The following KIAA1614 variants were observed in gnomAD, a reference collection of about 807,000 sequenced individuals.
KIAA1614 encodes uncharacterized protein KIAA1614.
In KIAA1614, 76 loss-of-function variants were observed where a neutral mutation model predicts 88.7. The observed-to-expected ratio is 0.86, with a 90% confidence interval of 0.71 to 1.04. KIAA1614 has a LOEUF of 1.04. Ranked by LOEUF, KIAA1614 falls within the 50% of genes least tolerant of loss-of-function variation. The probability of loss-of-function intolerance (pLI) is 0.00; values close to 1 mark genes in which losing one functional copy is unlikely to be tolerated. For synonymous variants in KIAA1614, 714 were observed against 675.5 expected (o/e 1.06, Z -0.88); for missense variants, 1,553 against 1,582.5 (o/e 0.98, Z 0.32).
Position 180,935,287 on chromosome 1 carries a change from GCC to G in KIAA1614, c.1379_1380del (p.Ala460GlyfsTer159). 6.7e-7 allele frequency: 1 copy of G among 1,501,528 alleles called. No individual in the cohort carries two copies. Among genetic ancestry groups the G allele is most frequent in the Non-Finnish European group, 8.9e-7 (1 of 1,129,186 alleles). 93.0% of individuals were successfully genotyped at this position (1,501,528 alleles called of 1,614,324 possible). On this transcript the variant is annotated frameshift_variant, in exon 5 of 9. Transcript: ENST00000367588. LOFTEE classifies it high-confidence loss of function. This position sits in a 1 kb window ranked among gnomAD's most constrained non-coding sequence, Gnocchi z 6.1. ...CTTTGAGGATGAGTCCGCCCGCGAA[GCC>G]GAGTTCCGTCACCTGGAGCGGCTGC... Reference protein sequence around the residue: ...VRFEDESAREAEFRHLERLQQ... With the variant: ...VRFEDESAREXEFRHLERLQQ...
intron 4 of KIAA1614, among the ~76,000 whole-genome samples, chr1:180,934,236 G>A (rs1201495183): frequency 1.2e-4 from 13 of 108,410 alleles, no homozygotes; most frequent in Admixed American, 4.4e-4. Context: ...TGGACAACAA[G>A]AGTAAAACTC....
chr1:180,934,266 A>AAAG (rs1553259360), intron 4 of KIAA1614, among the ~76,000 whole-genome samples: 18 of 115,864 alleles, frequency 1.6e-4, no homozygotes, highest in Non-Finnish European at 2.8e-4. Context: ...AAAAAAAAAA[A>AAAG]AAAAGAAAAG....
Position 180,945,388 on chromosome 1 carries a change from G to A in KIAA1614, c.3373G>A (p.Glu1125Lys), listed in dbSNP as rs1558074031. The A allele has an allele frequency of 1.2e-6, 2 of 1,601,786 alleles. No homozygotes were observed. Among genetic ancestry groups the A allele is most frequent in the African/African-American group, 1.3e-5 (1 of 74,256 alleles). The change falls in exon 9 of 9, where the codon GAG becomes AAG. Residue 1125 changes from glutamate (E) to lysine (K), a missense_variant. Transcript: ENST00000367588. ...GGCTCGCACCGTGGGCCGCCTGGTG[G>A]AGGTGTTCCCAGACGGCACCAGCCA... ...SLARTVGRLV[E>K]VFPDGTSQLQ...
chr1:180,935,529 C>A lies in KIAA1614; in HGVS notation c.1620C>A (p.Gly540=). 1 of 1,563,176 alleles carries A rather than the reference C, an allele frequency of 6.4e-7. No homozygotes were observed. Among genetic ancestry groups the A allele is most frequent in the South Asian group, 1.2e-5 (1 of 85,252 alleles). The change falls in exon 5 of 9, where the codon GGC becomes GGA. Residue 540 remains glycine (G), a synonymous_variant. Transcript: ENST00000367588. This position sits in a 1 kb window ranked among gnomAD's most constrained non-coding sequence, Gnocchi z 6.1. The part of the protein sequence containing the change: ...PGSERRCQAC[G]SCIDDPRPAQ... ...GCGAGAGGAGGTGCCAGGCCTGCGG[C>A]AGCTGCATCGACGACCCGCGCCCCG...
At chr1:180,915,658 C>T (rs891440369) in intron 1 of KIAA1614, among the ~76,000 whole-genome samples, 3 of 152,178 alleles carry the variant, frequency 2.0e-5, no homozygotes, top group Non-Finnish European at 4.4e-5. Flanking sequence ...GGCTCCCCAA[C>T]CCCCGGGGCC....
At chr1:180,944,958 G>A (rs745317419) in intron 8 of KIAA1614, 2 of 291,276 alleles carry the variant, frequency 6.9e-6, no homozygotes, top group South Asian at 6.5e-5. Flanking sequence ...TTCCTGGGGC[G>A]TGGATGTACT....
At chr1:180,924,703 T>C (rs566571678) in intron 3 of KIAA1614, among the ~76,000 whole-genome samples, 1 of 152,142 alleles carries the variant, frequency 6.6e-6, no homozygotes, top group East Asian at 1.9e-4. Context: ...CTTTTCAAAG[T>C]CCAGAGCAAA....
chr1:180,926,518 G>A (rs1654072544), intron 3 of KIAA1614, among the ~76,000 whole-genome samples: 1 of 151,666 alleles, frequency 6.6e-6, no homozygotes, highest in African/African-American at 2.4e-5. Flanking sequence ...AGAGGAGGGA[G>A]CAGAAAGGAA....
Position 180,948,194 on chromosome 1 carries a change from G to C in KIAA1614, c.*2606G>C, listed in dbSNP as rs897541990. The C allele has an allele frequency of 1.3e-5, 2 of 152,246 alleles. No individual in the cohort carries two copies. The highest frequency in any genetic ancestry group is 3.9e-4 in the East Asian group (2 of 5,188). The allele number at this position is 152,246 out of a possible 1,614,324, so 9.4% of individuals were successfully genotyped here. A position where few individuals can be genotyped will look rare whatever the true frequency, so the allele number is the denominator to read the frequency against. ...CCCACGCACATGAAGCCTGGCGAGT[G>C]CTGGGGCCTCCGTGTCCCAGGCCAT... On this transcript the variant is annotated 3_prime_UTR_variant, in exon 9 of 9. Coordinates refer to ENST00000367588, the MANE Select transcript of KIAA1614 (RefSeq NM_020950.2).
chr1:180,924,907 T>TAATAATAATAATAATAATAAA (rs1553258594), intron 3 of KIAA1614, among the ~76,000 whole-genome samples: 4 of 150,148 alleles, frequency 2.7e-5, no homozygotes, highest in East Asian at 1.9e-4. Context: ...ATAATAATAA[T>TAATAATAATAATAATAATAAA]AAATGCTAAC....
Position 180,913,270 on chromosome 1 carries a change from C to T in KIAA1614, c.27C>T (p.Ala9=). Residue 9 remains alanine (A), a synonymous_variant, in exon 1 of 9, where the codon GCC becomes GCT. Transcript: ENST00000367588. MEGTEAAA[A]KPAGGSPQGP... Reference sequence around the variant, plus strand: ...TGGAGGGGACAGAGGCGGCGGCGGCCAAACCCGCGGGCGGCAGCCCCCAGT... The same window carrying T: ...TGGAGGGGACAGAGGCGGCGGCGGCTAAACCCGCGGGCGGCAGCCCCCAGT... 7.9e-7 allele frequency: 1 copy of T among 1,260,042 alleles called. No homozygotes were observed. Among genetic ancestry groups the T allele is most frequent in the Non-Finnish European group, 1.0e-6 (1 of 996,716 alleles). 78.1% of individuals were successfully genotyped at this position (1,260,042 alleles called of 1,614,324 possible).
At chr1:180,931,988 G>A (rs2102266813) in intron 4 of KIAA1614, among the ~76,000 whole-genome samples, 1 of 152,216 alleles carries the variant, frequency 6.6e-6, no homozygotes, top group Non-Finnish European at 1.5e-5. Context: ...TGTTTCTCCG[G>A]ATGGAGTCTT....
chr1:180,934,300 G>A (rs1203564198), intron 4 of KIAA1614, among the ~76,000 whole-genome samples: 1 of 150,272 alleles, frequency 6.7e-6, no homozygotes, highest in African/African-American at 2.5e-5. Flanking sequence ...AAGAAACCCT[G>A]ACTTCAGGCT....
At chr1:180,941,006 GCCCTC>G in intron 6 of KIAA1614, 34 bp from the exon 7 acceptor site, 3 of 908,440 alleles carry the variant, frequency 3.3e-6, no homozygotes, top group Non-Finnish European at 4.6e-6. Flanking sequence ...CACCCTCCCG[GCCCTC>G]CCCCGCCCCC....
rs1457521455 is a variant in KIAA1614 at position 180,912,971 on chromosome 1, C to A, written c.-273C>A. On this transcript the variant is annotated 5_prime_UTR_variant, in exon 1 of 9. Coordinates refer to ENST00000367588, the MANE Select transcript of KIAA1614 (RefSeq NM_020950.2). This position sits in a 1 kb window ranked among gnomAD's most constrained non-coding sequence, Gnocchi z 5.1. The stretch of plus-strand genomic sequence containing the variant: ...CTTCCCTGCCAGCGCCCTCCCTGCC[C>A]GACCCCGCTTCCCGTCCTCTCGCCG... Among the ~76,000 whole-genome samples, 1 of 151,926 alleles carries A rather than the reference C, an allele frequency of 6.6e-6. No individual in the cohort carries two copies. The highest frequency in any genetic ancestry group is 2.4e-5 in the African/African-American group (1 of 41,422).
rs1046616110 is a variant in KIAA1614, at chr1:180,913,182, C to T, written c.-62C>T. 3.3e-6 allele frequency: 4 copies of T among 1,208,150 alleles called. No homozygotes were observed. Among genetic ancestry groups the T allele is most frequent in the Admixed American group, 4.2e-5 (1 of 23,566 alleles). The allele number at this position is 1,208,150 out of a possible 1,614,324, so 74.8% of individuals were successfully genotyped here. ...CGGATTCGGGGCTGGAAGTCCCTCC[C>T]CGAACCCAGCAGCTGGCCTGGGAGG... is the stretch of plus-strand genomic sequence containing the variant. On this transcript the variant is annotated 5_prime_UTR_variant, in exon 1 of 9. Coordinates refer to ENST00000367588, the MANE Select transcript of KIAA1614 (RefSeq NM_020950.2).
At chr1:180,927,180 TC>T (rs1291461135) in intron 3 of KIAA1614, among the ~76,000 whole-genome samples, 2 of 151,940 alleles carry the variant, frequency 1.3e-5, no homozygotes, top group Non-Finnish European at 2.9e-5. Flanking sequence ...CCTGGTCCCT[TC>T]CCCCAGTCAG....
At chr1:180,923,937 G>T (rs1378667172) in intron 3 of KIAA1614, among the ~76,000 whole-genome samples, 1 of 150,810 alleles carries the variant, frequency 6.6e-6, no homozygotes, top group African/African-American at 2.4e-5. Flanking sequence ...ACAAAGGAAA[G>T]CCCCCTTACC....
chr1:180,920,141 C>T (rs1184158317), intron 3 of KIAA1614, among the ~76,000 whole-genome samples: 2 of 152,200 alleles, frequency 1.3e-5, no homozygotes, highest in African/African-American at 4.8e-5. Flanking sequence ...TGTCTTGAAG[C>T]CCCTCAGATA....
Sources: gnomAD v4.1 joint callset for allele counts (sites outside exome capture counted in the v4.1 genomes callset) on GRCh38, gnomAD v4.1.1 for gene constraint, Gnocchi (gnomAD v3.1) non-coding constraint, MANE v1.5 for transcripts, NCBI Gene and HGNC (gene_info 2026-07-23, HGNC 2026-07-21) for gene names.